SPINK9: variants seen among roughly 807,000 people sequenced by gnomAD.
SPINK9 encodes the protein serine peptidase inhibitor Kazal type 9, also known as serine protease inhibitor Kazal-type 9.
Under a neutral mutation model 10.8 loss-of-function variants are expected in SPINK9, and 3 were observed. The ratio of observed to expected loss-of-function variants is 0.28; its 90% CI spans 0.13 to 0.72. The LOEUF (loss-of-function observed/expected upper bound fraction) is 0.72, where lower values mean the gene tolerates loss of function less well. Among genes scored for constraint, SPINK9 ranks in the 30% least tolerant of loss-of-function variants. The pLI is 0.74. For synonymous variants in SPINK9, 30 were observed against 31.2 expected, an observed-to-expected ratio of 0.96 and a Z score of 0.12; for missense variants, 101 against 103.2, an observed-to-expected ratio of 0.98 and a Z score of 0.09.
At chr5:148,323,945 A>G in intron 2 of SPINK9, 1 of 627,608 alleles carries the variant, frequency 1.6e-6, no homozygotes, top group Non-Finnish European at 2.9e-6. Context: ...GAGAATAATC[A>G]CCCCTAATTA....
rs1213900095 is a variant in SPINK9, at chr5:148,326,794, G to A, written c.118+2926G>A. 7.2e-5 allele frequency among the ~76,000 whole-genome samples: 11 copies of A among 151,734 alleles called. No individual in the cohort carries two copies. The South Asian group carries it at 1.7e-3, about 23-fold the overall frequency. On this transcript the variant is annotated intron_variant, in intron 2 of 4. Transcript: ENST00000511717. Reference sequence around the variant, plus strand: ...TTTTTTGTCCTTGCGACAGTTTGCTGAGAATGATGGTTTCCAGCTTCATCC... The same window carrying A: ...TTTTTTGTCCTTGCGACAGTTTGCTAAGAATGATGGTTTCCAGCTTCATCC...
chr5:148,328,487 C>T (rs899304223), intron 2 of SPINK9, among the ~76,000 whole-genome samples: 1 of 152,100 alleles, frequency 6.6e-6, no homozygotes, highest in Non-Finnish European at 1.5e-5. Flanking sequence ...AATGGAATGC[C>T]CTTTATTTCC....
chr5:148,326,737 C>A (rs1013072921), intron 2 of SPINK9, among the ~76,000 whole-genome samples: 3 of 151,424 alleles, frequency 2.0e-5, no homozygotes, highest in African/African-American at 7.3e-5. Flanking sequence ...TTGTTCAATT[C>A]CCACCTATGA....
intron 1 of SPINK9, chr5:148,321,487 C>T (rs1756999054): frequency 7.2e-6 from 1 of 138,854 alleles, no homozygotes; most frequent in Admixed American, 6.9e-5. Flanking sequence ...TGGACTGGTG[C>T]AATTTTTTTT....
intron 1 of SPINK9, 117 bp downstream of exon 1, chr5:148,335,785 A>G: frequency 8.0e-7 from 1 of 1,253,026 alleles, no homozygotes; most frequent in Non-Finnish European, 1.1e-6. Flanking sequence ...GAAACTTTTT[A>G]AAATGAATCT....
intron 2 of SPINK9, among the ~76,000 whole-genome samples, chr5:148,327,292 C>T (rs1490067889): frequency 6.6e-6 from 1 of 152,176 alleles, no homozygotes; most frequent in Non-Finnish European, 1.5e-5. Flanking sequence ...TGTTTTTTGG[C>T]CGCATAAATG....
At chr5:148,322,182 G>T (rs1214278455) in intron 1 of SPINK9, among the ~76,000 whole-genome samples, 3 of 152,126 alleles carry the variant, frequency 2.0e-5, no homozygotes, top group African/African-American at 7.2e-5. Flanking sequence ...ATGAAAGCTT[G>T]CAGGTAAATT....
upstream of SPINK9, among the ~76,000 whole-genome samples, chr5:148,334,730 G>A (rs1266975264): frequency 6.6e-6 from 1 of 151,916 alleles, no homozygotes; most frequent in African/African-American, 2.4e-5. Context: ...AAAGAAGACG[G>A]TCTTTCTCAA....
At position 148,336,594 on chromosome 5, in the gene SPINK9, T is replaced by C. The variant is rs956746402; in HGVS notation, c.87+141T>C. The stretch of plus-strand genomic sequence containing the variant: ...AAAACTGGTTTTATTTCAAAAATTG[T>C]AGGCAGATCTTTCTAAAATGGAGAG... On this transcript the variant is annotated intron_variant, in intron 2 of 3. Coordinates refer to ENST00000377906, the MANE Select transcript of SPINK9 (RefSeq NM_001040433.2). 4 of 899,758 alleles carry C rather than the reference T, an allele frequency of 4.4e-6. No homozygotes were observed. In the African/African-American group the frequency reaches 5.1e-5, roughly 11 times the overall value. The allele number at this position is 899,758 out of a possible 1,614,324, so 55.7% of individuals were successfully genotyped here. A position where few individuals can be genotyped will look rare whatever the true frequency, so the allele number is the denominator to read the frequency against.
chr5:148,322,260 C>T (rs1271234424), intron 1 of SPINK9, among the ~76,000 whole-genome samples: 1 of 152,210 alleles, frequency 6.6e-6, no homozygotes, highest in African/African-American at 2.4e-5. Context: ...CACAAGTATA[C>T]TCTGACACTG....
rs544100227 is a variant in SPINK9 at position 148,339,056 on chromosome 5, A to G, written c.215+451A>G. 5.1e-4 allele frequency among the ~76,000 whole-genome samples: 77 copies of G among 152,274 alleles called. 2 individuals carry two copies. In the South Asian group the frequency reaches 0.016, roughly 32 times the overall value. On this transcript the variant is annotated intron_variant, in intron 3 of 3. Transcript: ENST00000377906. ...GTTAGAGCCCCCTAATGCCTGGTAC[A>G]AAGGGGATAATATCTGCAAAATCTG... is the stretch of plus-strand genomic sequence containing the variant.
At chr5:148,329,664 A>T (rs1408249724) in intron 2 of SPINK9, among the ~76,000 whole-genome samples, 1 of 151,828 alleles carries the variant, frequency 6.6e-6, no homozygotes, top group Non-Finnish European at 1.5e-5. Flanking sequence ...TTCCCTCTAC[A>T]CACTGCTTTG....
intron 2 of SPINK9, among the ~76,000 whole-genome samples, chr5:148,337,353 T>C (rs575383820): frequency 3.3e-5 from 5 of 152,292 alleles, no homozygotes; most frequent in East Asian, 3.9e-4. Flanking sequence ...TACCTATCTT[T>C]GCATCAGCTC....
chr5:148,336,320 T>C lies in SPINK9; in HGVS notation c.56-102T>C, dbSNP rs967272895. 5 of 1,257,762 alleles carry C rather than the reference T, an allele frequency of 4.0e-6. No individual in the cohort carries two copies. In the African/African-American group the frequency reaches 4.5e-5, roughly 11 times the overall value. 77.9% of individuals were successfully genotyped at this position (1,257,762 alleles called of 1,614,324 possible). ...CAGTTGTGAAGAGAGACTTACATTT[T>C]TATGACAGGCTGAAAGCTAAAGCAT... On this transcript the variant is annotated intron_variant, in intron 1 of 3. Transcript: ENST00000377906.
chr5:148,334,253 T>TA (rs1757186608), upstream of SPINK9, among the ~76,000 whole-genome samples: 1 of 151,552 alleles, frequency 6.6e-6, no homozygotes, highest in South Asian at 2.1e-4. Flanking sequence ...TATTAAGAAT[T>TA]GGGGGGGATG....
chr5:148,334,417 T>A (rs6580546), upstream of SPINK9, among the ~76,000 whole-genome samples: 77 of 152,020 alleles, frequency 5.1e-4, no homozygotes, highest in Non-Finnish European at 7.1e-4. Context: ...ATCAAGAAGA[T>A]AAGAGTCTTT....
chr5:148,326,767 G>A (rs1340775095), intron 2 of SPINK9, among the ~76,000 whole-genome samples: 2 of 151,924 alleles, frequency 1.3e-5, no homozygotes, highest in South Asian at 2.1e-4. Context: ...TGCGGTGTTT[G>A]GTTTTTTGTC....
At position 148,338,596 on chromosome 5, in the gene SPINK9, C is replaced by T; in HGVS notation, c.206C>T (p.Ser69Phe). The T allele has an allele frequency of 6.3e-7, 1 of 1,583,840 alleles. No individual in the cohort carries two copies. Among genetic ancestry groups the T allele is most frequent in the Non-Finnish European group, 8.6e-7 (1 of 1,156,770 alleles). ...TATAAAAATGATTGCTTCTTCTGTT[C>T]TAAAGTTAAGTAAGTATTAAAATGT... ...KTYKNDCFFC[S>F]KVKKTDGTLK... The change falls in exon 3 of 4, where the codon TCT becomes TTT. Residue 69 changes from serine to phenylalanine, a missense_variant. Coordinates refer to ENST00000377906, the MANE Select transcript of SPINK9 (RefSeq NM_001040433.2).
Position 148,339,327 on chromosome 5 carries a change from A to T in SPINK9, c.216-340A>T, listed in dbSNP as rs1375696808. On this transcript the variant is annotated intron_variant, in intron 3 of 3. Transcript: ENST00000377906. ...AGATGAATTAGATGAAATACAAACG[A>T]GCATCTAACATATGTGGCATATTGT... is the stretch of plus-strand genomic sequence containing the variant. 2.0e-5 allele frequency among the ~76,000 whole-genome samples: 3 copies of T among 152,234 alleles called. No individual in the cohort carries two copies. The East Asian group carries it at 5.8e-4, about 29-fold the overall frequency.
Sources: allele counts gnomAD v4.1 joint callset (sites outside exome capture counted in the v4.1 genomes callset), GRCh38; gene constraint gnomAD v4.1.1; transcripts MANE v1.5; gene names NCBI Gene and HGNC (gene_info 2026-07-23, HGNC 2026-07-21).